The following RGS7BP variants were observed in gnomAD, a reference collection of about 807,000 sequenced individuals.
RGS7BP encodes the protein regulator of G protein signaling 7-binding protein.
In RGS7BP, 9 loss-of-function variants were observed where a neutral mutation model predicts 31.3. The ratio of observed to expected loss-of-function variants is 0.29; its 90% CI spans 0.17 to 0.50. RGS7BP has a LOEUF of 0.50. RGS7BP is among the 20% of genes least tolerant of loss of function. The pLI is 0.98. For synonymous variants in RGS7BP, 115 were observed against 120.1 expected (o/e 0.96, Z 0.28); for missense variants, 274 against 322.0 (o/e 0.85, Z 1.14).
At chr5:64,570,414 C>T (rs1367996638) in intron 2 of RGS7BP, among the ~76,000 whole-genome samples, 1 of 152,124 alleles carries the variant, frequency 6.6e-6, no homozygotes, top group East Asian at 1.9e-4. Flanking sequence ...AAGGAGCAAA[C>T]CTATATTTAA....
intron 5 of RGS7BP, among the ~76,000 whole-genome samples, chr5:64,602,373 C>T (rs1170959064): frequency 4.6e-5 from 7 of 152,166 alleles, no homozygotes; most frequent in South Asian, 4.1e-4. Context: ...TTCAGTGTGA[C>T]GTATGTAAAC....
chr5:64,525,179 C>T (rs1010169418), intron 2 of RGS7BP, among the ~76,000 whole-genome samples: 2 of 151,922 alleles, frequency 1.3e-5, no homozygotes, highest in African/African-American at 4.8e-5. Flanking sequence ...GAAATAGAAG[C>T]CCCCAAGCAG....
At chr5:64,533,795 A>C (rs778355156) in intron 2 of RGS7BP, among the ~76,000 whole-genome samples, 15 of 152,150 alleles carry the variant, frequency 9.9e-5, no homozygotes, top group Non-Finnish European at 1.5e-4. Flanking sequence ...TCCCCACCTC[A>C]TGTCTATTTC....
intron 3 of RGS7BP, 114 bp from the exon 4 acceptor site, chr5:64,594,596 A>T: frequency 1.1e-6 from 1 of 894,468 alleles, no homozygotes; most frequent in Non-Finnish European, 1.8e-6. Flanking sequence ...TATTAGGGTT[A>T]ATGGAACATT....
chr5:64,571,216 G>T (rs964721307), intron 2 of RGS7BP, among the ~76,000 whole-genome samples: 9 of 151,988 alleles, frequency 5.9e-5, no homozygotes, highest in African/African-American at 2.2e-4. Context: ...TCAAGATAAG[G>T]CTTTTGTGAT....
intron 2 of RGS7BP, among the ~76,000 whole-genome samples, chr5:64,529,597 A>T (rs1460766219): frequency 6.6e-6 from 1 of 152,150 alleles, no homozygotes; most frequent in Non-Finnish European, 1.5e-5. Flanking sequence ...ACCCTCAGAG[A>T]TTCTGATTTT....
chr5:64,537,133 A>G (rs1179773496), intron 2 of RGS7BP, among the ~76,000 whole-genome samples: 1 of 152,220 alleles, frequency 6.6e-6, no homozygotes, highest in East Asian at 1.9e-4. Flanking sequence ...AAGAACTCCA[A>G]CCAGTGGATT....
At chr5:64,531,187 T>A (rs1749361421) in intron 2 of RGS7BP, among the ~76,000 whole-genome samples, 1 of 152,190 alleles carries the variant, frequency 6.6e-6, no homozygotes, top group African/African-American at 2.4e-5. Context: ...GGGGAGTCCC[T>A]CAATAGGAAG....
intron 2 of RGS7BP, among the ~76,000 whole-genome samples, chr5:64,557,624 T>G (rs1381217971): frequency 6.6e-6 from 1 of 152,190 alleles, no homozygotes; most frequent in African/African-American, 2.4e-5. Flanking sequence ...AGCAGGAACA[T>G]GACTTTGTGT....
rs1742408098 is a variant in RGS7BP, at chr5:64,575,891, G to A, written c.450G>A (p.Gln150=). Residue 150 remains glutamine, a synonymous_variant, in exon 3 of 6, where the codon CAG becomes CAA. Transcript: ENST00000334025. ...LKSICLLGSL[Q]FHRKGKEPGG... ...CCATATGTCTGCTGGGGTCTCTTCAGTTTCATCGAAAAGGTATCTACATTT... is the reference window on the plus strand; with the variant it reads ...CCATATGTCTGCTGGGGTCTCTTCAATTTCATCGAAAAGGTATCTACATTT... 1.2e-6 allele frequency: 2 copies of A among 1,609,076 alleles called. No individual in the cohort carries two copies. The highest frequency in any genetic ancestry group is 1.1e-5 in the South Asian group (1 of 90,022).
chr5:64,507,205 G>A (rs1477977821), intron 1 of RGS7BP, among the ~76,000 whole-genome samples: 1 of 152,252 alleles, frequency 6.6e-6, no homozygotes, highest in Non-Finnish European at 1.5e-5. Context: ...TTCCAGCGCA[G>A]AGGCTGTAGC....
intron 2 of RGS7BP, among the ~76,000 whole-genome samples, chr5:64,537,685 C>T (rs1430068216): frequency 1.3e-5 from 2 of 152,112 alleles, no homozygotes; most frequent in African/African-American, 2.4e-5. Flanking sequence ...ACATCATGGA[C>T]CATTTTGCTT....
chr5:64,562,030 C>T (rs1468073469), intron 2 of RGS7BP, among the ~76,000 whole-genome samples: 2 of 152,094 alleles, frequency 1.3e-5, no homozygotes, highest in South Asian at 2.1e-4. Context: ...AATGATACTA[C>T]ATCAAGGAAG....
chr5:64,591,317 C>T (rs765010244), intron 3 of RGS7BP, among the ~76,000 whole-genome samples: 1 of 151,754 alleles, frequency 6.6e-6, no homozygotes, highest in Non-Finnish European at 1.5e-5. Context: ...TGCACCTATA[C>T]CCCTGAACTT....
intron 5 of RGS7BP, among the ~76,000 whole-genome samples, chr5:64,601,242 C>T (rs1743207562): frequency 6.6e-6 from 1 of 152,158 alleles, no homozygotes; most frequent in Non-Finnish European, 1.5e-5. Flanking sequence ...AAAGATACCA[C>T]TCCTGGTCCC....
intron 5 of RGS7BP, 106 bp downstream of exon 5, chr5:64,598,541 GCATTGAGCATT>G: frequency 1.3e-6 from 1 of 752,134 alleles, no homozygotes; most frequent in East Asian, 2.5e-5. Flanking sequence ...ACAGTAGAAG[GCATTGAGCATT>G]CATTAGTCTT....
chr5:64,510,458 T>A (rs1026463454), intron 2 of RGS7BP, among the ~76,000 whole-genome samples: 1 of 152,208 alleles, frequency 6.6e-6, no homozygotes, highest in Non-Finnish European at 1.5e-5. Flanking sequence ...ACATGTCATA[T>A]GATTCCATTC....
At chr5:64,595,342 AT>A in intron 4 of RGS7BP, among the ~76,000 whole-genome samples, 1 of 152,158 alleles carries the variant, frequency 6.6e-6, no homozygotes, top group East Asian at 1.9e-4. Context: ...GGGGCTGAGC[AT>A]TCTGTCCAGT....
intron 4 of RGS7BP, 111 bp from the exon 5 acceptor site, chr5:64,598,254 G>A: frequency 1.5e-6 from 1 of 684,004 alleles, no homozygotes; most frequent in Non-Finnish European, 2.6e-6. Context: ...ACTAGAGCTA[G>A]TGCAATTAGA....
Sources: allele counts gnomAD v4.1 joint callset (sites outside exome capture counted in the v4.1 genomes callset), GRCh38; gene constraint gnomAD v4.1.1; transcripts MANE v1.5; gene names NCBI Gene and HGNC (gene_info 2026-07-23, HGNC 2026-07-21).